Variants in TOM1L2 observed in about 807,000 individuals in gnomAD.
TOM1L2 encodes the protein TOM1-like protein 2.
A neutral mutation model predicts 67.9 loss-of-function variants in TOM1L2; 31 were observed. The ratio of observed to expected loss-of-function variants is 0.46; its 90% CI spans 0.34 to 0.62. The LOEUF is 0.62. Ranked by LOEUF, TOM1L2 falls within the 20% of genes least tolerant of loss-of-function variation. The pLI, the probability that TOM1L2 is intolerant of heterozygous loss-of-function variation, is 0.01. For synonymous variants in TOM1L2, 256 were observed against 254.0 expected, an observed-to-expected ratio of 1.01 and a Z score of -0.07; for missense variants, 606 against 663.5, an observed-to-expected ratio of 0.91 and a Z score of 0.95.
At position 17,869,337 on chromosome 17, in the gene TOM1L2, C is replaced by G; in HGVS notation, c.911+3G>C. ...AAAAAAAAAAAAGAAATCCGGCTCCCACCTCTCGTATCGAAGGAAGACGTT... is the reference window on the plus strand; with the variant it reads ...AAAAAAAAAAAAGAAATCCGGCTCCGACCTCTCGTATCGAAGGAAGACGTT... On this transcript the variant is annotated splice_donor_region_variant and intron_variant, in intron 8 of 14. Transcript: ENST00000379504. 6.2e-7 allele frequency: 1 copy of G among 1,611,192 alleles called. No individual in the cohort carries two copies. Among genetic ancestry groups the G allele is most frequent in the Non-Finnish European group, 8.5e-7 (1 of 1,179,944 alleles).
intron 3 of TOM1L2, among the ~76,000 whole-genome samples, chr17:17,898,285 G>T (rs920323579): frequency 6.6e-5 from 10 of 152,160 alleles, no homozygotes; most frequent in African/African-American, 2.2e-4. Flanking sequence ...CTCAGAGCAG[G>T]CTGGTGACAG....
At chr17:17,959,902 C>CAATTT (rs1212464727) in intron 1 of TOM1L2, among the ~76,000 whole-genome samples, 4 of 152,234 alleles carry the variant, frequency 2.6e-5, no homozygotes, top group African/African-American at 9.6e-5. Flanking sequence ...GTCAGTTAGA[C>CAATTT]AATTTAGCAT....
At chr17:17,857,820 AC>A in intron 12 of TOM1L2, 2 of 1,535,572 alleles carry the variant, frequency 1.3e-6, no homozygotes, top group Non-Finnish European at 1.7e-6. Context: ...CAGACTCCCC[AC>A]CTCTACCTCT....
At chr17:17,962,445 T>TG (rs2041721277) in intron 1 of TOM1L2, among the ~76,000 whole-genome samples, 1 of 151,906 alleles carries the variant, frequency 6.6e-6, no homozygotes, top group Non-Finnish European at 1.5e-5. Context: ...CCCGAGTACC[T>TG]GGGACTACAG....
chr17:17,879,345 T>TTTTCTGTGCTTTCTTTTTC (rs2037593843), intron 7 of TOM1L2, among the ~76,000 whole-genome samples: 1 of 152,256 alleles, frequency 6.6e-6, no homozygotes, highest in Non-Finnish European at 1.5e-5. Flanking sequence ...AGTTATTTTC[T>TTTTCTGTGCTTTCTTTTTC]TTTCTGTGCT....
chr17:17,848,781 A>C (rs1421320584), intron 14 of TOM1L2, 42 bp downstream of exon 14: 3 of 1,610,212 alleles, frequency 1.9e-6, no homozygotes, highest in Non-Finnish European at 2.5e-6. Context: ...GCCTGCACAG[A>C]GGCAACAAAA....
intron 1 of TOM1L2, among the ~76,000 whole-genome samples, chr17:17,959,711 T>TTCTTGTCCCCAGC (rs1404800537): frequency 2.6e-5 from 4 of 152,326 alleles, no homozygotes; most frequent in Admixed American, 2.6e-4. Flanking sequence ...CAGGACCCAG[T>TTCTTGTCCCCAGC]TCTTGTCCCC....
chr17:17,900,905 C>T (rs888669774), intron 2 of TOM1L2, among the ~76,000 whole-genome samples: 12 of 152,234 alleles, frequency 7.9e-5, no homozygotes, highest in African/African-American at 2.7e-4. Context: ...ACTGCTGTCC[C>T]TGACCCACAG....
chr17:17,917,602 T>C (rs536834111), intron 1 of TOM1L2, among the ~76,000 whole-genome samples: 3 of 151,904 alleles, frequency 2.0e-5, no homozygotes, highest in South Asian at 2.1e-4. Context: ...CCTGGCTTCA[T>C]TGCAATTTTA....
At chr17:17,908,778 T>A (rs769797815) in intron 1 of TOM1L2, among the ~76,000 whole-genome samples, 9 of 151,968 alleles carry the variant, frequency 5.9e-5, no homozygotes, top group Non-Finnish European at 8.8e-5. Flanking sequence ...ATCAAAAAAA[T>A]AGAAAATAAC....
At chr17:17,865,415 C>A (rs1351043807) in intron 10 of TOM1L2, among the ~76,000 whole-genome samples, 1 of 152,116 alleles carries the variant, frequency 6.6e-6, no homozygotes, top group Non-Finnish European at 1.5e-5. Flanking sequence ...ATGGAGTCGT[C>A]CCCCAGGCTG....
chr17:17,917,262 G>A (rs934748966), intron 1 of TOM1L2, among the ~76,000 whole-genome samples: 5 of 151,912 alleles, frequency 3.3e-5, no homozygotes, highest in African/African-American at 1.2e-4. Context: ...AACCTGGGAG[G>A]CAGAGGTTGC....
intron 1 of TOM1L2, among the ~76,000 whole-genome samples, chr17:17,951,204 A>G (rs2041192870): frequency 6.6e-6 from 1 of 152,234 alleles, no homozygotes; most frequent in Non-Finnish European, 1.5e-5. Context: ...GAAAATGACC[A>G]GCACCCAGTA....
At chr17:17,924,816 T>C (rs913291990) in intron 1 of TOM1L2, among the ~76,000 whole-genome samples, 4 of 152,176 alleles carry the variant, frequency 2.6e-5, no homozygotes, top group African/African-American at 9.7e-5. Flanking sequence ...AAAAAAGTGA[T>C]GATTAAATAT....
intron 4 of TOM1L2, among the ~76,000 whole-genome samples, chr17:17,892,947 T>C (rs1226344376): frequency 6.6e-6 from 1 of 152,186 alleles, no homozygotes; most frequent in Non-Finnish European, 1.5e-5. Flanking sequence ...CCTCCAGCTA[T>C]AGTCGAGCCT....
At chr17:17,850,750 C>T in intron 13 of TOM1L2, 143 bp downstream of exon 13, 1 of 834,854 alleles carries the variant, frequency 1.2e-6, no homozygotes, top group Non-Finnish European at 1.9e-6. Context: ...GGAGGAGGGG[C>T]AGCTATGGAG....
At chr17:17,862,876 G>C (rs757808183) in intron 10 of TOM1L2, 28 bp from the exon 11 acceptor site, 1 of 1,466,630 alleles carries the variant, frequency 6.8e-7, no homozygotes, top group Non-Finnish European at 9.3e-7. Context: ...ATGGGTGGCA[G>C]ATGAGAACAA....
intron 12 of TOM1L2, chr17:17,860,098 G>C (rs1224406404): frequency 6.6e-6 from 1 of 152,330 alleles, no homozygotes; most frequent in East Asian, 1.9e-4. Context: ...CCAGAGTGAG[G>C]GACAAATGAG....
At chr17:17,934,789 C>T (rs542055305) in intron 1 of TOM1L2, among the ~76,000 whole-genome samples, 2 of 152,284 alleles carry the variant, frequency 1.3e-5, no homozygotes, top group South Asian at 4.1e-4. Flanking sequence ...GTATGCAGGG[C>T]ACGGTGACAA....
Sources: gnomAD v4.1 joint callset for allele counts (sites outside exome capture counted in the v4.1 genomes callset) on GRCh38, gnomAD v4.1.1 for gene constraint, MANE v1.5 for transcripts, NCBI Gene and HGNC (gene_info 2026-07-23, HGNC 2026-07-21) for gene names.